L2HGDH: variants seen among roughly 807,000 people sequenced by gnomAD.
L2HGDH encodes the protein L-2-hydroxyglutarate dehydrogenase, mitochondrial.
In L2HGDH, 34 loss-of-function variants were observed where a neutral mutation model predicts 51.5. The ratio of observed to expected loss-of-function variants is 0.66; its 90% CI spans 0.50 to 0.88. The LOEUF (loss-of-function observed/expected upper bound fraction) is 0.88, where lower values mean the gene tolerates loss of function less well. Among genes scored for constraint, L2HGDH ranks in the 40% least tolerant of loss-of-function variants. The pLI is 0.00. For missense variants in L2HGDH, 558 were observed against 571.9 expected (o/e 0.98, Z 0.25); for synonymous variants, 198 against 197.9 (o/e 1.00, Z -0.01).
chr14:50,298,655 T>C (rs1277246319), intron 3 of L2HGDH, among the ~76,000 whole-genome samples: 1 of 152,034 alleles, frequency 6.6e-6, no homozygotes, highest in Non-Finnish European at 1.5e-5. Context: ...AGTGCCACTA[T>C]ATTCCAGCCT....
chr14:50,268,603 G>C (rs561374691), intron 7 of L2HGDH, among the ~76,000 whole-genome samples: 1 of 152,190 alleles, frequency 6.6e-6, no homozygotes, highest in Non-Finnish European at 1.5e-5. Context: ...AAATACATGA[G>C]GTTGAAGCAG....
intron 4 of L2HGDH, among the ~76,000 whole-genome samples, chr14:50,290,378 G>A (rs914990946): frequency 1.6e-4 from 24 of 152,102 alleles, no homozygotes; most frequent in African/African-American, 4.1e-4. Flanking sequence ...CTCTCCCCAC[G>A]TCCAGTTCCA....
chr14:50,247,304 T>C, intron 9 of L2HGDH, 51 bp from the exon 10 acceptor site: 2 of 1,589,332 alleles, frequency 1.3e-6, no homozygotes, highest in Non-Finnish European at 1.7e-6. Flanking sequence ...TAGGATACTT[T>C]ACAAGTCAGC....
chr14:50,246,445 T>C lies in L2HGDH; in HGVS notation c.*613A>G, dbSNP rs1208400617. ...CTATGTTGCCCAGGCTGGATTTTTT[T>C]TTTTTTTTTTTTTTTTTTTGAGACA... is the stretch of plus-strand genomic sequence containing the variant. On this transcript the variant is annotated 3_prime_UTR_variant, in exon 10 of 10. Transcript: ENST00000267436. 1.4e-5 allele frequency: 2 copies of C among 142,628 alleles called. No individual in the cohort carries two copies. The highest frequency in any genetic ancestry group is 1.5e-5 in the Non-Finnish European group (1 of 65,546). The allele number at this position is 142,628 out of a possible 1,614,324, so 8.8% of individuals were successfully genotyped here. A position where few individuals can be genotyped will look rare whatever the true frequency, so the allele number is the denominator to read the frequency against.
At chr14:50,301,962 A>C (rs1275087872) in intron 3 of L2HGDH, 55 bp downstream of exon 3, 1 of 1,559,242 alleles carries the variant, frequency 6.4e-7, no homozygotes, top group African/African-American at 1.4e-5. Context: ...AATATTAAAC[A>C]TCACTAAGCA....
chr14:50,253,985 G>A (rs746588645), intron 9 of L2HGDH, among the ~76,000 whole-genome samples: 2 of 152,028 alleles, frequency 1.3e-5, no homozygotes, highest in South Asian at 2.1e-4. Context: ...ACAATTGAAC[G>A]CATAGAGGTA....
At chr14:50,259,384 T>TC (rs1888874761) in intron 9 of L2HGDH, among the ~76,000 whole-genome samples, 1 of 111,922 alleles carries the variant, frequency 8.9e-6, no homozygotes, top group Admixed American at 9.1e-5. Context: ...TTTTTTTTTT[T>TC]CAGAAATGGG....
intron 9 of L2HGDH, among the ~76,000 whole-genome samples, chr14:50,251,142 C>A (rs1003126899): frequency 3.3e-5 from 5 of 152,068 alleles, no homozygotes; most frequent in Admixed American, 6.6e-5. Flanking sequence ...AAAGAATTCA[C>A]AATTCTTTCA....
At chr14:50,265,652 G>A (rs370811539) in intron 8 of L2HGDH, among the ~76,000 whole-genome samples, 163 bp from the exon 9 acceptor site, 8 of 152,254 alleles carry the variant, frequency 5.3e-5, no homozygotes, top group East Asian at 1.9e-4. Context: ...GGTGGCTCAC[G>A]CCTGTAATCC....
At chr14:50,278,036 T>C (rs1290697296) in intron 6 of L2HGDH, among the ~76,000 whole-genome samples, 2 of 152,086 alleles carry the variant, frequency 1.3e-5, no homozygotes, top group Non-Finnish European at 2.9e-5. Flanking sequence ...ATAAATCCTA[T>C]AGCACTCATT....
intron 5 of L2HGDH, among the ~76,000 whole-genome samples, chr14:50,281,205 G>A (rs1197368488): frequency 6.6e-6 from 1 of 152,108 alleles, no homozygotes; most frequent in African/African-American, 2.4e-5. Context: ...CTAGCACACT[G>A]GAAGACTAAT....
intron 9 of L2HGDH, among the ~76,000 whole-genome samples, chr14:50,263,530 T>A (rs764958433): frequency 5.9e-5 from 9 of 152,170 alleles, no homozygotes; most frequent in Non-Finnish European, 1.2e-4. Context: ...CCTGCTGACA[T>A]TTTTTACCAG....
chr14:50,276,967 T>C (rs553928128), intron 6 of L2HGDH, among the ~76,000 whole-genome samples: 2 of 152,312 alleles, frequency 1.3e-5, no homozygotes, highest in South Asian at 4.1e-4. Context: ...CAAATCCCAG[T>C]AGCTGTGTCC....
In L2HGDH at chr14:50,245,037, A is replaced by G. The variant is rs1887937358; in HGVS notation, c.*2021T>C. ...TTTCGATAGATACCACAAAACACAT[A>G]TATACAGGATATACCACAGCACTGG... On this transcript the variant is annotated 3_prime_UTR_variant, in exon 10 of 10. Transcript: ENST00000267436. 1.0e-6 allele frequency: 1 copy of G among 985,674 alleles called. No homozygotes were observed. The highest frequency in any genetic ancestry group is 4.7e-5 in the South Asian group (1 of 21,290). The allele number at this position is 985,674 out of a possible 1,614,324, so 61.1% of individuals were successfully genotyped here.
chr14:50,247,010 T>A lies in L2HGDH; in HGVS notation c.*48A>T, dbSNP rs776111184. 1.9e-6 allele frequency: 3 copies of A among 1,589,330 alleles called. No homozygotes were observed. In the Admixed American group the frequency reaches 5.2e-5, roughly 27 times the overall value. ...ATTAAAGAATGCAATTAGTACATTC[T>A]TGTTGCTGACATGAAGATTACAGTG... On this transcript the variant is annotated 3_prime_UTR_variant, in exon 10 of 10. Coordinates refer to ENST00000267436, the MANE Select transcript of L2HGDH (RefSeq NM_024884.3).
At chr14:50,305,470 A>T (rs73277329) in intron 1 of L2HGDH, among the ~76,000 whole-genome samples, 1 of 152,248 alleles carries the variant, frequency 6.6e-6, no homozygotes, top group African/African-American at 2.4e-5. Flanking sequence ...TTAAAAAAAC[A>T]TAAGTTCAGT....
chr14:50,242,897 T>C lies in L2HGDH; in HGVS notation c.*4161A>G, dbSNP rs1184824997. On this transcript the variant is annotated 3_prime_UTR_variant, in exon 10 of 10. Coordinates refer to ENST00000267436, the MANE Select transcript of L2HGDH (RefSeq NM_024884.3). ...GGGCAGAGCCAGTCCTTAAACAATA[T>C]AGACACCATGTCTCCTGTGTTTACA... 3.0e-6 allele frequency: 3 copies of C among 985,344 alleles called. No individual in the cohort carries two copies. The highest frequency in any genetic ancestry group is 1.2e-4 in the Admixed American group (2 of 16,264). The allele number at this position is 985,344 out of a possible 1,614,324, so 61.0% of individuals were successfully genotyped here. A position where few individuals can be genotyped will look rare whatever the true frequency, so the allele number is the denominator to read the frequency against.
intron 1 of L2HGDH, chr14:50,311,252 A>C (rs933114183): frequency 2.3e-6 from 1 of 436,658 alleles, no homozygotes; most frequent in Non-Finnish European, 4.6e-6. Context: ...CGTGGCTCTT[A>C]GAATAAAAGT....
In L2HGDH at chr14:50,294,262, G is replaced by A. The variant is rs756674907; in HGVS notation, c.409-16C>T. The A allele has an allele frequency of 9.4e-6, 15 of 1,593,610 alleles. No homozygotes were observed. In the South Asian group the frequency reaches 1.2e-4, roughly 13 times the overall value. On this transcript the variant is annotated splice_polypyrimidine_tract_variant and intron_variant, in intron 3 of 9. Coordinates refer to ENST00000267436, the MANE Select transcript of L2HGDH (RefSeq NM_024884.3). ...CTACTATAAGCTTCAAAAAAAAAAA[G>A]GTAAGGAGCATGGATAGAGGTGAAT...
Sources: allele counts gnomAD v4.1 joint callset (sites outside exome capture counted in the v4.1 genomes callset), GRCh38; gene constraint gnomAD v4.1.1; transcripts MANE v1.5; gene names NCBI Gene and HGNC (gene_info 2026-07-23, HGNC 2026-07-21).